The following ALK variants were observed in gnomAD, a reference collection of about 807,000 sequenced individuals.
ALK encodes ALK receptor tyrosine kinase.
In ALK, 74 loss-of-function variants were observed where a neutral mutation model predicts 163.1. The observed-to-expected ratio is 0.45, with a 90% CI of 0.38 to 0.55. The LOEUF (loss-of-function observed/expected upper bound fraction) is 0.55, where lower values mean the gene tolerates loss of function less well. Ranked by LOEUF, ALK falls within the 20% of genes least tolerant of loss-of-function variation. The probability of loss-of-function intolerance (pLI) is 0.00; values close to 1 mark genes in which losing one functional copy is unlikely to be tolerated. For missense variants in ALK, 2,063 were observed against 2,105.3 expected (o/e 0.98, Z 0.39); for synonymous variants, 960 against 843.2 (o/e 1.14, Z -2.40).
chr2:29,319,989 T>C (rs971775284), intron 7 of ALK, among the ~76,000 whole-genome samples: 2 of 152,214 alleles, frequency 1.3e-5, no homozygotes, highest in Admixed American at 1.3e-4. Context: ...CACCAGGGCC[T>C]GCCCGGGTCC....
intron 4 of ALK, among the ~76,000 whole-genome samples, chr2:29,450,055 A>G (rs1034914138): frequency 6.6e-6 from 1 of 152,160 alleles, no homozygotes. Flanking sequence ...ACAAAGGGCA[A>G]AGGGGAAAAT....
At chr2:29,675,935 A>G (rs1677859194) in intron 3 of ALK, among the ~76,000 whole-genome samples, 2 of 152,064 alleles carry the variant, frequency 1.3e-5, no homozygotes, top group East Asian at 1.9e-4. Flanking sequence ...TATATTGACC[A>G]GACTGGTCTT....
At chr2:29,598,568 A>G (rs1675283373) in intron 3 of ALK, among the ~76,000 whole-genome samples, 1 of 152,192 alleles carries the variant, frequency 6.6e-6, no homozygotes, top group Non-Finnish European at 1.5e-5. Context: ...GGGTCTAGAG[A>G]GCAAAGGGCA....
At chr2:29,465,697 A>C (rs898529846) in intron 4 of ALK, among the ~76,000 whole-genome samples, 55 of 152,172 alleles carry the variant, frequency 3.6e-4, no homozygotes, top group Non-Finnish European at 5.3e-4. Context: ...TCATTTCAAA[A>C]AAAAACAAAA....
intron 1 of ALK, among the ~76,000 whole-genome samples, chr2:29,829,711 T>C (rs1665310204): frequency 6.6e-6 from 1 of 152,208 alleles, no homozygotes; most frequent in Non-Finnish European, 1.5e-5. Flanking sequence ...CCTAATACTA[T>C]TGAGTTCTGC....
chr2:29,393,981 A>T (rs1487811586), intron 4 of ALK, among the ~76,000 whole-genome samples: 1 of 152,216 alleles, frequency 6.6e-6, no homozygotes. Flanking sequence ...ACAAGTATTT[A>T]AAAATTATTT....
chr2:29,768,713 C>CTATG (rs149394341), intron 1 of ALK, among the ~76,000 whole-genome samples: 7,998 of 142,860 alleles, frequency 0.056, 341 homozygotes, highest in African/African-American at 0.12. Flanking sequence ...TTATATATGT[C>CTATG]TGTGTGTGTG....
At chr2:29,517,112 T>C (rs372631931) in intron 4 of ALK, among the ~76,000 whole-genome samples, 1 of 152,172 alleles carries the variant, frequency 6.6e-6, no homozygotes, top group Non-Finnish European at 1.5e-5. Flanking sequence ...TATGTTTTGA[T>C]GAAGTTGAGG....
intron 4 of ALK, among the ~76,000 whole-genome samples, chr2:29,508,267 T>A (rs547117764): frequency 2.6e-5 from 4 of 152,174 alleles, no homozygotes; most frequent in Non-Finnish European, 5.9e-5. Context: ...CCTTTCTGAC[T>A]CCTGCTACTG....
intron 9 of ALK, among the ~76,000 whole-genome samples, chr2:29,286,194 C>A (rs575510346): frequency 1.3e-5 from 2 of 152,294 alleles, no homozygotes; most frequent in South Asian, 2.1e-4. Flanking sequence ...TCTGTTGGAA[C>A]CTGCAGGGTG....
intron 11 of ALK, among the ~76,000 whole-genome samples, chr2:29,266,157 C>T (rs569553529): frequency 6.6e-5 from 10 of 152,268 alleles, no homozygotes; most frequent in Admixed American, 2.6e-4. Flanking sequence ...TTAAATTCTA[C>T]GGATGAGAGG....
chr2:29,616,819 C>G (rs1248859712), intron 3 of ALK, among the ~76,000 whole-genome samples: 1 of 152,128 alleles, frequency 6.6e-6, no homozygotes, highest in African/African-American at 2.4e-5. Flanking sequence ...AAACTGTAGG[C>G]AAACTGTGCC....
At chr2:29,197,123 A>G (rs1669042664) in intron 27 of ALK, among the ~76,000 whole-genome samples, 1 of 152,206 alleles carries the variant, frequency 6.6e-6, no homozygotes, top group African/African-American at 2.4e-5. Context: ...GGGACAGAAT[A>G]TTCCAATTAT....
chr2:29,693,783 G>A (rs1157768164), intron 3 of ALK, among the ~76,000 whole-genome samples: 1 of 152,154 alleles, frequency 6.6e-6, no homozygotes, highest in African/African-American at 2.4e-5. Context: ...ACAGAAGCAT[G>A]ATGTGGTGGA....
intron 1 of ALK, among the ~76,000 whole-genome samples, chr2:29,744,497 C>T (rs890330342): frequency 1.3e-5 from 2 of 152,238 alleles, no homozygotes; most frequent in South Asian, 4.2e-4. Context: ...TCGCTTGGGT[C>T]ATTCAAAGGC....
At chr2:29,225,354 G>C (rs987578150) in intron 19 of ALK, 107 bp downstream of exon 19, 38 of 1,049,908 alleles carry the variant, frequency 3.6e-5, no homozygotes, top group Non-Finnish European at 5.1e-5. Flanking sequence ...CCAATTCCAG[G>C]GACTAGCATA....
intron 4 of ALK, among the ~76,000 whole-genome samples, chr2:29,499,754 C>A (rs1672120269): frequency 6.6e-6 from 1 of 152,090 alleles, no homozygotes; most frequent in South Asian, 2.1e-4. Context: ...GTTCCCTCTG[C>A]TGCCAGCCCA....
At chr2:29,411,299 C>A (rs922745515) in intron 4 of ALK, among the ~76,000 whole-genome samples, 1 of 152,140 alleles carries the variant, frequency 6.6e-6, no homozygotes, top group Non-Finnish European at 1.5e-5. Flanking sequence ...AGGGCCCTGC[C>A]TGAGGCTGTT....
chr2:29,478,954 C>G (rs943891397), intron 4 of ALK, among the ~76,000 whole-genome samples: 6 of 110,550 alleles, frequency 5.4e-5, no homozygotes, highest in African/African-American at 1.4e-4. Flanking sequence ...TAGTTTCTGG[C>G]CCTGCAAAGA....
Sources: allele counts gnomAD v4.1 joint callset (sites outside exome capture counted in the v4.1 genomes callset), GRCh38; gene constraint gnomAD v4.1.1; transcripts MANE v1.5; gene names NCBI Gene and HGNC (gene_info 2026-07-23, HGNC 2026-07-21).